The following CWF19L1 variants were observed in gnomAD, a reference collection of about 807,000 sequenced individuals.
CWF19L1 encodes CWF19 like cell cycle control factor 1, also known as CWF19-like protein 1.
In CWF19L1, 60 loss-of-function variants were observed where a neutral mutation model predicts 69.7. The observed-to-expected ratio is 0.86, with a 90% CI of 0.70 to 1.07. The LOEUF is 1.07. Among genes scored for constraint, CWF19L1 ranks in the 50% least tolerant of loss-of-function variants. The pLI, the probability that CWF19L1 is intolerant of heterozygous loss-of-function variation, is 0.00. For missense variants in CWF19L1, 591 were observed against 638.9 expected (o/e 0.92, Z 0.81); for synonymous variants, 209 against 222.2 (o/e 0.94, Z 0.53).
At chr10:100,243,430 T>G (rs1255916425) in intron 10 of CWF19L1, among the ~76,000 whole-genome samples, 1 of 152,148 alleles carries the variant, frequency 6.6e-6, no homozygotes, top group Admixed American at 6.5e-5. Context: ...AATGGCAAAC[T>G]ATGGAGATAG....
intron 8 of CWF19L1, among the ~76,000 whole-genome samples, chr10:100,246,545 TAA>T (rs1202589709): frequency 6.6e-6 from 1 of 152,140 alleles, no homozygotes. Flanking sequence ...ACTTTACAAA[TAA>T]AACTGTAACC....
At chr10:100,263,989 A>C (rs1332706020) in intron 1 of CWF19L1, among the ~76,000 whole-genome samples, 3 of 152,236 alleles carry the variant, frequency 2.0e-5, no homozygotes, top group African/African-American at 4.8e-5. Context: ...TACGTGCCAC[A>C]TAACAATGTT....
chr10:100,245,174 C>T (rs970370918), intron 9 of CWF19L1, among the ~76,000 whole-genome samples: 1 of 152,000 alleles, frequency 6.6e-6, no homozygotes, highest in Admixed American at 6.6e-5. Context: ...AGGACCGTGC[C>T]ACCACACCTG....
chr10:100,233,716 T>C (rs988505199), intron 13 of CWF19L1, among the ~76,000 whole-genome samples: 1 of 152,230 alleles, frequency 6.6e-6, no homozygotes, highest in African/African-American at 2.4e-5. Context: ...ATCTATGATC[T>C]AGACAGATGA....
intron 1 of CWF19L1, among the ~76,000 whole-genome samples, chr10:100,266,708 C>CG (rs1272886921): frequency 4.3e-5 from 6 of 140,116 alleles, no homozygotes; most frequent in Admixed American, 2.8e-4. Flanking sequence ...TTAGTAGAGA[C>CG]GGGGTGTCAC....
At chr10:100,264,415 G>A (rs1847504581) in intron 1 of CWF19L1, among the ~76,000 whole-genome samples, 1 of 151,848 alleles carries the variant, frequency 6.6e-6, no homozygotes, top group Non-Finnish European at 1.5e-5. Context: ...CGTGGTGGCG[G>A]GCGCCTGTAG....
chr10:100,250,150 C>A (rs995289975), intron 7 of CWF19L1, 98 bp downstream of exon 7: 137 of 850,244 alleles, frequency 1.6e-4, no homozygotes, highest in Non-Finnish European at 2.6e-5. Flanking sequence ...ACCTTGCAGT[C>A]AGGGAGAAGA....
intron 7 of CWF19L1, chr10:100,248,801 C>T: frequency 7.1e-7 from 1 of 1,411,480 alleles, no homozygotes. Flanking sequence ...TTCACAGAAG[C>T]AGTGGAAGCC....
At chr10:100,244,782 G>A (rs1804517568) in intron 9 of CWF19L1, among the ~76,000 whole-genome samples, 3 of 150,384 alleles carry the variant, frequency 2.0e-5, no homozygotes, top group Admixed American at 1.3e-4. Context: ...GCCTCCTGAG[G>A]AGCTGGGACT....
At chr10:100,249,260 G>GA (rs1445442386) in intron 7 of CWF19L1, among the ~76,000 whole-genome samples, 2 of 152,036 alleles carry the variant, frequency 1.3e-5, no homozygotes, top group South Asian at 2.1e-4. Flanking sequence ...GAAATATTAT[G>GA]AAAAAAACAA....
chr10:100,254,765 G>C (rs1252674582), intron 5 of CWF19L1: 6 of 152,152 alleles, frequency 3.9e-5, no homozygotes, highest in Admixed American at 3.9e-4. Context: ...CTTCCTTACA[G>C]AGCATCATAT....
chr10:100,260,214 T>G lies in CWF19L1; in HGVS notation c.289+4A>C, dbSNP rs746950500. ...AAAAAAAAATACAACAAGTATCAGC[T>G]TACCCAGATAAGTAATGTTTTCAGC... On this transcript the variant is annotated splice_donor_region_variant and intron_variant, in intron 4 of 13. Transcript: ENST00000354105. 1.9e-6 allele frequency: 3 copies of G among 1,569,608 alleles called. No individual in the cohort carries two copies. The highest frequency in any genetic ancestry group is 1.7e-6 in the Non-Finnish European group (2 of 1,146,544).
chr10:100,259,029 C>T (rs1370787936), intron 4 of CWF19L1, among the ~76,000 whole-genome samples: 1 of 151,586 alleles, frequency 6.6e-6, no homozygotes, highest in Non-Finnish European at 1.5e-5. Context: ...GGTGAAATCC[C>T]GTCTCTACTA....
chr10:100,247,270 G>A (rs1307518450), intron 7 of CWF19L1, among the ~76,000 whole-genome samples: 1 of 152,188 alleles, frequency 6.6e-6, no homozygotes, highest in African/African-American at 2.4e-5. Context: ...AAGACAAACT[G>A]CTTCTGTCTC....
chr10:100,259,200 TAA>T lies in CWF19L1; in HGVS notation c.289+1016_289+1017del, dbSNP rs11285407. Among the ~76,000 whole-genome samples, 1,139 of 128,384 alleles carry T rather than the reference TAA, an allele frequency of 8.9e-3. 3 individuals carry two copies. The highest frequency in any genetic ancestry group is 0.011 in the Non-Finnish European group (678 of 60,926). 84.2% of individuals were successfully genotyped at this position (128,384 alleles called of 152,430 possible). ...TGAGCAACAGAGCAAGACACTGTCT[TAA>T]AAAAAAAAAAAAAAAAGAGTTGAAT... On this transcript the variant is annotated intron_variant, in intron 4 of 13. Transcript: ENST00000354105.
chr10:100,248,285 C>T (rs113841640), intron 7 of CWF19L1: 68 of 1,357,470 alleles, frequency 5.0e-5, no homozygotes, highest in Non-Finnish European at 6.9e-5. Flanking sequence ...GTTTTGAGTC[C>T]GTTGGCAAGT....
rs1473706995 is a variant in CWF19L1 at position 100,262,293 on chromosome 10, GCTT to G, written c.24-233_24-231del. On this transcript the variant is annotated intron_variant, in intron 1 of 13. Coordinates refer to ENST00000354105, the MANE Select transcript of CWF19L1 (RefSeq NM_018294.6). ...TATCATTTACTCCACAATTGAGCCA[GCTT>G]CTTCTCCTCATTCCTAAGTTTTGTG... 5 of 985,274 alleles carry G rather than the reference GCTT, an allele frequency of 5.1e-6. No homozygotes were observed. The African/African-American group carries it at 8.7e-5, about 17-fold the overall frequency. 61.0% of individuals were successfully genotyped at this position (985,274 alleles called of 1,614,324 possible). A position where few individuals can be genotyped will look rare whatever the true frequency, so the allele number is the denominator to read the frequency against.
At chr10:100,250,101 T>C in intron 7 of CWF19L1, 147 bp downstream of exon 7, 1 of 667,582 alleles carries the variant, frequency 1.5e-6, no homozygotes, top group East Asian at 2.7e-5. Flanking sequence ...TGACCTTTCA[T>C]TACCATACCT....
intron 2 of CWF19L1, 28 bp downstream of exon 2, chr10:100,261,950 AT>A (rs1847415826): frequency 6.3e-7 from 1 of 1,575,574 alleles, no homozygotes; most frequent in Non-Finnish European, 8.6e-7. Context: ...CAAAGGTAAA[AT>A]TAAATTCAGT....
Sources: gnomAD v4.1 joint callset for allele counts (sites outside exome capture counted in the v4.1 genomes callset) on GRCh38, gnomAD v4.1.1 for gene constraint, MANE v1.5 for transcripts, NCBI Gene and HGNC (gene_info 2026-07-23, HGNC 2026-07-21) for gene names.